NCBP3: variants seen among roughly 807,000 people sequenced by gnomAD.
NCBP3 encodes nuclear cap-binding protein subunit 3.
A neutral mutation model predicts 75.7 loss-of-function variants in NCBP3; 20 were observed. That is an observed-to-expected ratio of 0.26 (90% CI 0.19 to 0.38). The LOEUF is 0.38. Among genes scored for constraint, NCBP3 ranks in the 10% least tolerant of loss-of-function variants. The probability of loss-of-function intolerance (pLI) is 1.00; values close to 1 mark genes in which losing one functional copy is unlikely to be tolerated. For missense variants in NCBP3, 678 were observed against 796.9 expected, an observed-to-expected ratio of 0.85 and a Z score of 1.80; for synonymous variants, 293 against 290.5, an observed-to-expected ratio of 1.01 and a Z score of -0.09.
At chr17:3,837,740 A>C (rs2053999691) in intron 3 of NCBP3, among the ~76,000 whole-genome samples, 1 of 151,558 alleles carries the variant, frequency 6.6e-6, no homozygotes, top group Non-Finnish European at 1.5e-5. Context: ...TCTCAAAAAA[A>C]AAAAAAAAAA....
chr17:3,821,382 C>T (rs772344264), intron 8 of NCBP3, 30 bp from the exon 9 acceptor site: 10 of 1,544,804 alleles, frequency 6.5e-6, no homozygotes, highest in East Asian at 4.5e-5. Flanking sequence ...AGCACACAAT[C>T]AAAAACTGAT....
At chr17:3,820,608 T>A (rs1262299414) in intron 9 of NCBP3, among the ~76,000 whole-genome samples, 3 of 152,104 alleles carry the variant, frequency 2.0e-5, no homozygotes, top group Non-Finnish European at 2.9e-5. Flanking sequence ...AAAAGAACAA[T>A]ACAATCAGTT....
intron 9 of NCBP3, among the ~76,000 whole-genome samples, chr17:3,819,073 T>C (rs185493798): frequency 3.3e-5 from 5 of 152,046 alleles, no homozygotes; most frequent in African/African-American, 9.7e-5. Flanking sequence ...CTGCTAGTGA[T>C]TTCACTGCTT....
chr17:3,812,742 T>TA lies in NCBP3; in HGVS notation c.*301dup, dbSNP rs2053442538. 8.3e-7 allele frequency: 1 copy of TA among 1,201,164 alleles called. No individual in the cohort carries two copies. The highest frequency in any genetic ancestry group is 1.0e-6 in the Non-Finnish European group (1 of 959,540). The allele number at this position is 1,201,164 out of a possible 1,614,324, so 74.4% of individuals were successfully genotyped here. On this transcript the variant is annotated 3_prime_UTR_variant, in exon 13 of 13. Transcript: ENST00000389005. ...ACATTTCTTTTAAAAGACACAATGT[T>TA]AAAAATATTAAGAAAAATGTCTACA...
At position 3,825,817 on chromosome 17, in the gene NCBP3, C is replaced by T. The variant is rs1160879216; in HGVS notation, c.637G>A (p.Asp213Asn). The T allele has an allele frequency of 7.1e-6, 11 of 1,551,582 alleles. No homozygotes were observed. The highest frequency in any genetic ancestry group is 1.4e-5 in the African/African-American group (1 of 73,168). Reference sequence around the variant, plus strand: ...TCAACCTCTCCTTCTTCAGCTTCATCATCATCTGAACTGTCTTCCTGCTTG... The same window carrying T: ...TCAACCTCTCCTTCTTCAGCTTCATTATCATCTGAACTGTCTTCCTGCTTG... ...KDKQEDSSDDDEAEEGEVEDE... is the reference protein window; with the variant it reads ...KDKQEDSSDDNEAEEGEVEDE... The change falls in exon 6 of 13, where the codon GAT (aspartate) becomes AAT (asparagine). Residue 213 changes from aspartate (D) to asparagine (N), a missense_variant. This residue lies in a region of NCBP3 where 98 missense variants were observed against 101.8 expected (regional missense o/e 0.96). Coordinates refer to ENST00000389005, the MANE Select transcript of NCBP3 (RefSeq NM_001114118.3).
chr17:3,821,871 G>C, intron 8 of NCBP3, 82 bp downstream of exon 8: 1 of 875,872 alleles, frequency 1.1e-6, no homozygotes, highest in Non-Finnish European at 1.9e-6. Flanking sequence ...TTTACACAGG[G>C]TTTAGACATT....
In NCBP3 at chr17:3,821,961, G is replaced by C; in HGVS notation, c.888C>G (p.Ser296Arg). 1.2e-6 allele frequency: 2 copies of C among 1,605,368 alleles called. No homozygotes were observed. The highest frequency in any genetic ancestry group is 1.7e-6 in the Non-Finnish European group (2 of 1,173,098). The change falls in exon 8 of 13, where the codon AGC becomes AGG. Residue 296 changes from serine to arginine, a missense_variant. Physicochemically the swap from Ser to Arg is moderately radical, Grantham distance 110. Around this residue, in one of 7 missense-constraint regions of NCBP3, gnomAD observed 38 missense variants for 78.9 expected, o/e 0.48. Coordinates refer to ENST00000389005, the MANE Select transcript of NCBP3 (RefSeq NM_001114118.3). ...PNYGGMKGILSNSWKRRYHSR... is the reference protein window; with the variant it reads ...PNYGGMKGILRNSWKRRYHSR... ...GAAGGTTTTGGACTCACCATGAATT[G>C]CTAAGAATTCCTTTCATGCCTCCAT...
chr17:3,844,660 G>C (rs2054127850), intron 1 of NCBP3, among the ~76,000 whole-genome samples: 1 of 152,154 alleles, frequency 6.6e-6, no homozygotes, highest in Admixed American at 6.5e-5. Flanking sequence ...AGACCAGCCT[G>C]GCCAACATGG....
intron 2 of NCBP3, 117 bp downstream of exon 2, chr17:3,842,969 A>T: frequency 1.0e-6 from 1 of 958,962 alleles, no homozygotes; most frequent in East Asian, 2.6e-5. Flanking sequence ...TTTAGAAAAA[A>T]AATTTAAATC....
At chr17:3,821,777 T>C (rs76422339) in intron 8 of NCBP3, among the ~76,000 whole-genome samples, 176 bp downstream of exon 8, 23 of 152,226 alleles carry the variant, frequency 1.5e-4, no homozygotes, top group East Asian at 3.8e-4. Flanking sequence ...AACACAGATA[T>C]TTTAAATGTA....
At chr17:3,844,758 A>G (rs2054130660) in intron 1 of NCBP3, among the ~76,000 whole-genome samples, 3 of 152,156 alleles carry the variant, frequency 2.0e-5, no homozygotes, top group Admixed American at 2.0e-4. Context: ...GCTGAGGCAG[A>G]AGAGTAGCTT....
chr17:3,841,041 A>C (rs1355363799), intron 2 of NCBP3, among the ~76,000 whole-genome samples: 13 of 151,988 alleles, frequency 8.6e-5, no homozygotes, highest in Non-Finnish European at 1.6e-4. Context: ...GGCTGCCACG[A>C]TCTCAGCTCA....
At chr17:3,840,017 C>A in intron 3 of NCBP3, 83 bp downstream of exon 3, 2 of 1,090,930 alleles carry the variant, frequency 1.8e-6, no homozygotes, top group Non-Finnish European at 1.4e-6. Flanking sequence ...ACACGCAAGG[C>A]AAGGCCAGAA....
chr17:3,836,739 C>T (rs546153798), intron 3 of NCBP3, among the ~76,000 whole-genome samples: 2 of 152,054 alleles, frequency 1.3e-5, no homozygotes, highest in African/African-American at 4.8e-5. Flanking sequence ...ATAACTTGCC[C>T]GAGGCCATAG....
rs2053447059 is a variant in NCBP3 at position 3,812,941 on chromosome 17, G to A, written c.*103C>T. On this transcript the variant is annotated 3_prime_UTR_variant, in exon 13 of 13. Transcript: ENST00000389005. ...AGAGCGGAGGGTGACTGTGTGAGCA[G>A]GAGCGAGAGGGCGCCAGCTCCTGCG... is the stretch of plus-strand genomic sequence containing the variant. 6.5e-7 allele frequency: 1 copy of A among 1,545,478 alleles called. No homozygotes were observed. Among genetic ancestry groups the A allele is most frequent in the Non-Finnish European group, 8.7e-7 (1 of 1,149,308 alleles).
Position 3,840,279 on chromosome 17 carries a change from A to C in NCBP3, c.250-74T>G, listed in dbSNP as rs1383529581. The C allele has an allele frequency of 1.3e-5, 15 of 1,191,744 alleles. 1 individual carries two copies. In the Admixed American group the frequency reaches 3.0e-4, roughly 24 times the overall value. 73.8% of individuals were successfully genotyped at this position (1,191,744 alleles called of 1,614,324 possible). A position where few individuals can be genotyped will look rare whatever the true frequency, so the allele number is the denominator to read the frequency against. On this transcript the variant is annotated intron_variant, in intron 2 of 12. Coordinates refer to ENST00000389005, the MANE Select transcript of NCBP3 (RefSeq NM_001114118.3). ...TTAAATCACACATGCATCATGATGC[A>C]TCAGTGACAAACCTGAACTAAAAAA...
Position 3,814,494 on chromosome 17 carries a change from A to G in NCBP3, c.1466-11T>C. 1 of 1,613,778 alleles carries G rather than the reference A, an allele frequency of 6.2e-7. No individual in the cohort carries two copies. On this transcript the variant is annotated splice_polypyrimidine_tract_variant and intron_variant, in intron 11 of 12. Transcript: ENST00000389005. ...ACCGCTGGCGTATATCTGAAAAAAGAGAAAAAGTGCACCAGTGACCGTGTG... is the reference window on the plus strand; with the variant it reads ...ACCGCTGGCGTATATCTGAAAAAAGGGAAAAAGTGCACCAGTGACCGTGTG...
At chr17:3,843,433 T>C (rs567192981) in intron 1 of NCBP3, among the ~76,000 whole-genome samples, 2 of 152,158 alleles carry the variant, frequency 1.3e-5, no homozygotes, top group African/African-American at 4.8e-5. Context: ...AGGGTCTCCC[T>C]ATGTTGCCCA....
intron 3 of NCBP3, among the ~76,000 whole-genome samples, chr17:3,835,341 C>T (rs1228192088): frequency 6.6e-6 from 1 of 152,214 alleles, no homozygotes; most frequent in Non-Finnish European, 1.5e-5. Flanking sequence ...GAGACAGAGA[C>T]AACGGTGAGG....
Sources: gnomAD v4.1 joint callset for allele counts (sites outside exome capture counted in the v4.1 genomes callset) on GRCh38, gnomAD v4.1.1 for gene constraint, gnomAD v4.1.1 regional missense constraint, MANE v1.5 for transcripts, NCBI Gene and HGNC (gene_info 2026-07-23, HGNC 2026-07-21) for gene names.